Variants in PSD3 observed in about 807,000 individuals in gnomAD.
The protein encoded by PSD3 is PH and SEC7 domain-containing protein 3.
PSD3 carries 49 observed loss-of-function variants against 105.5 expected under a neutral mutation model. The observed-to-expected ratio is 0.46, with a 90% CI of 0.37 to 0.59. The LOEUF (loss-of-function observed/expected upper bound fraction) is 0.59. Among genes scored for constraint, PSD3 ranks in the 20% least tolerant of loss-of-function variants. The pLI is 0.00. For synonymous variants in PSD3, 557 were observed against 457.8 expected (o/e 1.22, Z -2.77); for missense variants, 1,561 against 1,263.8 (o/e 1.24, Z -3.57).
chr8:18,614,626 G>A (rs958921757), intron 11 of PSD3, among the ~76,000 whole-genome samples: 1 of 152,104 alleles, frequency 6.6e-6, no homozygotes, highest in African/African-American at 2.4e-5. Flanking sequence ...TTTGTGACAA[G>A]TGACTTCAAA....
chr8:18,911,632 C>G (rs115107949), intron 2 of PSD3, among the ~76,000 whole-genome samples: 7,539 of 152,108 alleles, frequency 0.05, 208 homozygotes, highest in Admixed American at 0.081. Context: ...GATGTAAGAG[C>G]GTTCACTTCT....
intron 9 of PSD3, among the ~76,000 whole-genome samples, chr8:18,740,909 G>C (rs10096440): frequency 1.3e-5 from 2 of 152,064 alleles, no homozygotes; most frequent in East Asian, 3.9e-4. Flanking sequence ...AGTGACTTCC[G>C]GCTTTTCTCT....
At chr8:18,893,827 G>A (rs146060601) in intron 2 of PSD3, among the ~76,000 whole-genome samples, 9 of 152,164 alleles carry the variant, frequency 5.9e-5, no homozygotes, top group South Asian at 2.1e-4. Context: ...TCCCAGCTGC[G>A]GTTCTGCCAC....
chr8:18,629,066 CA>C (rs1181804937), intron 11 of PSD3, among the ~76,000 whole-genome samples: 9 of 151,782 alleles, frequency 5.9e-5, no homozygotes, highest in African/African-American at 2.2e-4. Flanking sequence ...TTTAAAGACA[CA>C]ACCATAAATT....
At chr8:18,865,671 G>C (rs796518949) in intron 4 of PSD3, among the ~76,000 whole-genome samples, 29 of 152,116 alleles carry the variant, frequency 1.9e-4, no homozygotes, top group African/African-American at 7.0e-4. Flanking sequence ...TTGTACAGTA[G>C]GAGTGCCCAG....
At chr8:18,861,095 T>A (rs1269174423) in intron 4 of PSD3, among the ~76,000 whole-genome samples, 1 of 152,138 alleles carries the variant, frequency 6.6e-6, no homozygotes, top group African/African-American at 2.4e-5. Context: ...CACTAATTTA[T>A]AAAAGAGGCA....
At chr8:18,891,557 T>G (rs1283683081) in intron 2 of PSD3, among the ~76,000 whole-genome samples, 2 of 152,214 alleles carry the variant, frequency 1.3e-5, no homozygotes. Flanking sequence ...CATCACTTAC[T>G]GCATGTATGA....
At chr8:18,548,322 T>C (rs1300968527) in intron 15 of PSD3, among the ~76,000 whole-genome samples, 1 of 152,230 alleles carries the variant, frequency 6.6e-6, no homozygotes, top group Non-Finnish European at 1.5e-5. Flanking sequence ...TAGATGTCCA[T>C]TTCTTTGAAA....
chr8:18,667,462 C>G (rs1391083511), intron 9 of PSD3, among the ~76,000 whole-genome samples: 3 of 152,166 alleles, frequency 2.0e-5, no homozygotes, highest in Non-Finnish European at 4.4e-5. Context: ...GAAGATTCTC[C>G]AAGTCCCCAC....
intron 12 of PSD3, among the ~76,000 whole-genome samples, chr8:18,589,854 G>A (rs1803467892): frequency 6.6e-6 from 1 of 152,202 alleles, no homozygotes; most frequent in Non-Finnish European, 1.5e-5. Context: ...GTTGATTTAA[G>A]AAATCTGTCC....
chr8:18,947,440 C>A (rs1310162598), intron 1 of PSD3, among the ~76,000 whole-genome samples: 2 of 152,188 alleles, frequency 1.3e-5, no homozygotes, highest in East Asian at 3.8e-4. Context: ...TCTCATTTTC[C>A]CACCAGCTGC....
At chr8:19,034,691 A>G (rs1827884959) in intron 1 of PSD3, among the ~76,000 whole-genome samples, 2 of 152,112 alleles carry the variant, frequency 1.3e-5, no homozygotes, top group Admixed American at 1.3e-4. Flanking sequence ...TGCAGAAGGG[A>G]CAGAGTCTGG....
chr8:18,809,752 T>C lies in PSD3; in HGVS notation c.1635-4854A>G, dbSNP rs146726648. Among the ~76,000 whole-genome samples the C allele has an allele frequency of 1.9e-3, 294 of 152,348 alleles. 8 individuals are homozygous for C. Among genetic ancestry groups the C allele is most frequent in the Admixed American group, 0.018 (278 of 15,302 alleles). On this transcript the variant is annotated intron_variant, in intron 4 of 15. Coordinates refer to ENST00000327040, the MANE Select transcript of PSD3 (RefSeq NM_015310.4). ...TCACAATTAGAATCCTTCTGGATTT[T>C]TTCACTTGTTTCTGCGATTTTATTC... is the stretch of plus-strand genomic sequence containing the variant.
At chr8:18,837,166 G>T (rs140227508) in intron 4 of PSD3, among the ~76,000 whole-genome samples, 4 of 152,146 alleles carry the variant, frequency 2.6e-5, no homozygotes, top group Non-Finnish European at 5.9e-5. Flanking sequence ...CCCAAAAAGT[G>T]GATGGCTTAT....
chr8:18,879,081 C>CACACACACACACACACACACACACACAT (rs1817934227), intron 2 of PSD3, among the ~76,000 whole-genome samples: 1 of 145,536 alleles, frequency 6.9e-6, no homozygotes, highest in African/African-American at 2.6e-5. Flanking sequence ...CACACACACA[C>CACACACACACACACACACACACACACAT]ACACACGCAC....
intron 1 of PSD3, among the ~76,000 whole-genome samples, chr8:18,953,366 C>G (rs1359218348): frequency 6.6e-6 from 1 of 152,080 alleles, no homozygotes; most frequent in Non-Finnish European, 1.5e-5. Flanking sequence ...AACATTTGAA[C>G]AGATACTCAA....
chr8:18,765,599 A>G (rs1373266434), intron 8 of PSD3, 61 bp from the exon 9 acceptor site: 21 of 1,304,026 alleles, frequency 1.6e-5, no homozygotes, highest in Non-Finnish European at 2.2e-5. Context: ...TGATTCATAA[A>G]TATATGATGA....
At chr8:18,795,912 T>C (rs1442265725) in intron 8 of PSD3, among the ~76,000 whole-genome samples, 2 of 152,198 alleles carry the variant, frequency 1.3e-5, no homozygotes, top group Non-Finnish European at 2.9e-5. Flanking sequence ...AGTTCCAATA[T>C]AGCAAAGAAA....
chr8:18,659,752 G>C lies in PSD3; in HGVS notation c.2173-4067C>G, dbSNP rs556619884. Among the ~76,000 whole-genome samples, 27 of 152,304 alleles carry C rather than the reference G, an allele frequency of 1.8e-4. 1 individual carries two copies. Among genetic ancestry groups the C allele is most frequent in the Non-Finnish European group, 4.4e-5 (3 of 68,022 alleles). ...CCTTTGTTGGTGAGGATGATGGGCT[G>C]GCTGCACTGATCCTATACTCTTAGT... On this transcript the variant is annotated intron_variant, in intron 9 of 15. Coordinates refer to ENST00000327040, the MANE Select transcript of PSD3 (RefSeq NM_015310.4).
Sources: gnomAD v4.1 joint callset for allele counts (sites outside exome capture counted in the v4.1 genomes callset) on GRCh38, gnomAD v4.1.1 for gene constraint, MANE v1.5 for transcripts, NCBI Gene and HGNC (gene_info 2026-07-23, HGNC 2026-07-21) for gene names.